Variants in LOC128462377 observed in about 807,000 individuals in gnomAD.
the LOC128462377 span, among the ~76,000 whole-genome samples, chr16:89,367,416 G>T: frequency 6.6e-6 from 1 of 152,160 alleles, no homozygotes; most frequent in East Asian, 1.9e-4. Flanking sequence ...AACCTTAGCC[G>T]GCAACTCAGG....
chr16:89,317,133 C>T, the LOC128462377 span: 1 of 1,148,554 alleles, frequency 8.7e-7, no homozygotes, highest in Non-Finnish European at 1.3e-6. Flanking sequence ...CAAAACTCAT[C>T]CACTCTCACA....
At chr16:89,367,466 G>A in the LOC128462377 span, among the ~76,000 whole-genome samples, 3 of 152,160 alleles carry the variant, frequency 2.0e-5, no homozygotes, top group African/African-American at 4.8e-5. Context: ...TCAGGGGAGC[G>A]ACGCTCTCAA....
the LOC128462377 span, among the ~76,000 whole-genome samples, chr16:89,416,509 G>C: frequency 6.6e-6 from 1 of 152,172 alleles, no homozygotes; most frequent in Non-Finnish European, 1.5e-5. Context: ...ATGTTGGCAG[G>C]CTGGTCTGGA....
At chr16:89,337,254 C>T in the LOC128462377 span, among the ~76,000 whole-genome samples, 2 of 151,644 alleles carry the variant, frequency 1.3e-5, no homozygotes, top group Middle Eastern at 3.2e-3. Flanking sequence ...AAGCCCCATG[C>T]CCAAATGCTC....
chr16:89,405,589 C>T, the LOC128462377 span, among the ~76,000 whole-genome samples: 3 of 152,028 alleles, frequency 2.0e-5, no homozygotes, highest in South Asian at 6.2e-4. Flanking sequence ...CCGCCTCAGC[C>T]TCCCAAAGTG....
At chr16:89,396,012 A>C in the LOC128462377 span, 1 of 152,202 alleles carries the variant, frequency 6.6e-6, no homozygotes, top group Non-Finnish European at 1.5e-5. Context: ...AGAATGACCG[A>C]CCGACATGCA....
At chr16:89,369,153 G>C in the LOC128462377 span, among the ~76,000 whole-genome samples, 2 of 152,122 alleles carry the variant, frequency 1.3e-5, no homozygotes, top group African/African-American at 4.8e-5. Context: ...CCAGATCACA[G>C]CATAAGCACC....
chr16:89,321,859 G>C, the LOC128462377 span, among the ~76,000 whole-genome samples: 1 of 152,168 alleles, frequency 6.6e-6, no homozygotes, highest in Non-Finnish European at 1.5e-5. Flanking sequence ...GAGACAGCAA[G>C]ACCCATCTCT....
chr16:89,323,257 G>A, the LOC128462377 span: 6 of 1,263,572 alleles, frequency 4.7e-6, no homozygotes, highest in Non-Finnish European at 6.2e-6. Flanking sequence ...AAAAAGAGCT[G>A]CATACCTGGC....
the LOC128462377 span, among the ~76,000 whole-genome samples, chr16:89,335,694 C>G: frequency 6.6e-5 from 10 of 152,230 alleles, no homozygotes; most frequent in African/African-American, 2.4e-4. Context: ...GGACACAGCA[C>G]ATGAGCGCCC....
chr16:89,356,121 T>G, the LOC128462377 span, among the ~76,000 whole-genome samples: 3 of 152,262 alleles, frequency 2.0e-5, no homozygotes, highest in African/African-American at 7.2e-5. Flanking sequence ...TTAGTTACTA[T>G]GAACTAGTGC....
the LOC128462377 span, among the ~76,000 whole-genome samples, chr16:89,321,479 C>A: frequency 1.4e-5 from 1 of 69,914 alleles, no homozygotes. Context: ...ACTGTGGGGC[C>A]GGGTGGGGAG....
At chr16:89,348,575 T>C in the LOC128462377 span, among the ~76,000 whole-genome samples, 3 of 152,232 alleles carry the variant, frequency 2.0e-5, no homozygotes, top group Admixed American at 1.3e-4. Flanking sequence ...CATCCGGGAC[T>C]GAAGGTTTCT....
chr16:89,388,742 C>T, the LOC128462377 span, among the ~76,000 whole-genome samples: 1,565 of 152,302 alleles, frequency 0.01, 34 homozygotes, highest in African/African-American at 0.036. Flanking sequence ...CGGGCTCACA[C>T]AGGTCTGGAA....
the LOC128462377 span, among the ~76,000 whole-genome samples, chr16:89,394,037 C>T: frequency 3.1e-3 from 476 of 152,268 alleles, 2 homozygotes; most frequent in African/African-American, 0.011. Context: ...TGCAACACAG[C>T]GGTGCCTGCA....
chr16:89,382,950 C>G, the LOC128462377 span, among the ~76,000 whole-genome samples: 1 of 152,250 alleles, frequency 6.6e-6, no homozygotes, highest in African/African-American at 2.4e-5. Context: ...AAGCAATTCT[C>G]CAGCCTCAGC....
At chr16:89,373,159 A>C in the LOC128462377 span, 13 of 152,288 alleles carry the variant, frequency 8.5e-5, no homozygotes, top group Non-Finnish European at 1.2e-4. Flanking sequence ...GAAGCAATGG[A>C]AAAGGCCTTC....
chr16:89,362,913 G>A, the LOC128462377 span, among the ~76,000 whole-genome samples: 1 of 152,138 alleles, frequency 6.6e-6, no homozygotes, highest in South Asian at 2.1e-4. Context: ...AATACAGAAT[G>A]TGAGGTCCCG....
chr16:89,413,876 G>C, the LOC128462377 span, among the ~76,000 whole-genome samples: 2 of 152,124 alleles, frequency 1.3e-5, no homozygotes, highest in Admixed American at 1.3e-4. Flanking sequence ...GGCCAGACTG[G>C]GGGGAGGCAG....
Sources: allele counts gnomAD v4.1 joint callset (sites outside exome capture counted in the v4.1 genomes callset), GRCh38; gene constraint gnomAD v4.1.1; transcripts MANE v1.5.